The following FBXL7 variants were observed in gnomAD, a reference collection of about 807,000 sequenced individuals.
FBXL7 encodes F-box and leucine rich repeat protein 7.
FBXL7 carries 12 observed loss-of-function variants against 38.3 expected under a neutral mutation model. That is an observed-to-expected ratio of 0.31 (90% CI 0.20 to 0.51). The LOEUF (loss-of-function observed/expected upper bound fraction) is 0.51, where lower values mean the gene tolerates loss of function less well. Ranked by LOEUF, FBXL7 falls within the 20% of genes least tolerant of loss-of-function variation. FBXL7 has a pLI of 0.98. For missense variants in FBXL7, 567 were observed against 676.4 expected, an observed-to-expected ratio of 0.84 and a Z score of 1.79; for synonymous variants, 297 against 300.9, an observed-to-expected ratio of 0.99 and a Z score of 0.13.
At chr5:15,602,937 G>A (rs537129933) in intron 1 of FBXL7, among the ~76,000 whole-genome samples, 4 of 152,198 alleles carry the variant, frequency 2.6e-5, no homozygotes, top group Admixed American at 6.5e-5. Flanking sequence ...GGGCTCAGGG[G>A]ATCCTCTGGC....
intron 2 of FBXL7, among the ~76,000 whole-genome samples, chr5:15,822,587 A>G (rs1316656797): frequency 2.0e-5 from 3 of 146,714 alleles, no homozygotes; most frequent in South Asian, 2.2e-4. Context: ...TCATTTGTCT[A>G]TTCCTAAACC....
chr5:15,934,304 C>T (rs1046339084), intron 3 of FBXL7, among the ~76,000 whole-genome samples: 4 of 152,118 alleles, frequency 2.6e-5, no homozygotes, highest in Admixed American at 6.6e-5. Context: ...CACACCCAGT[C>T]GGTTTTTGCC....
intron 2 of FBXL7, among the ~76,000 whole-genome samples, chr5:15,691,825 A>G (rs1452191861): frequency 6.6e-6 from 1 of 152,174 alleles, no homozygotes; most frequent in Non-Finnish European, 1.5e-5. Context: ...GTCGACTGAG[A>G]AAAGGGAAGT....
intron 2 of FBXL7, among the ~76,000 whole-genome samples, chr5:15,855,723 A>G (rs894607010): frequency 6.6e-6 from 1 of 152,144 alleles, no homozygotes; most frequent in African/African-American, 2.4e-5. Flanking sequence ...ACCAACATTT[A>G]TGGAACATTT....
chr5:15,862,473 G>T (rs1739518345), intron 2 of FBXL7, among the ~76,000 whole-genome samples: 2 of 151,958 alleles, frequency 1.3e-5, no homozygotes, highest in Non-Finnish European at 2.9e-5. Flanking sequence ...CAAAAACCGG[G>T]CATTTTATGT....
intron 2 of FBXL7, among the ~76,000 whole-genome samples, chr5:15,654,034 C>T (rs1369050694): frequency 6.6e-6 from 1 of 152,172 alleles, no homozygotes; most frequent in Non-Finnish European, 1.5e-5. Flanking sequence ...CCTGTCAACA[C>T]ATGGAAATAA....
intron 1 of FBXL7, among the ~76,000 whole-genome samples, chr5:15,604,184 G>A (rs1739915285): frequency 6.6e-6 from 1 of 151,966 alleles, no homozygotes; most frequent in African/African-American, 2.4e-5. Flanking sequence ...ATAAAAGGGA[G>A]GACTGTGTGA....
At chr5:15,528,783 C>T (rs906685847) in intron 1 of FBXL7, among the ~76,000 whole-genome samples, 4 of 151,886 alleles carry the variant, frequency 2.6e-5, no homozygotes, top group African/African-American at 7.3e-5. Context: ...GTCTGAAGGC[C>T]GGTTTTTTTA....
At chr5:15,681,440 G>A (rs1344527256) in intron 2 of FBXL7, among the ~76,000 whole-genome samples, 1 of 152,178 alleles carries the variant, frequency 6.6e-6, no homozygotes, top group Non-Finnish European at 1.5e-5. Context: ...ATTGAAAAGT[G>A]TATAAAGGGC....
chr5:15,544,128 T>C (rs1215707538), intron 1 of FBXL7, among the ~76,000 whole-genome samples: 1 of 152,178 alleles, frequency 6.6e-6, no homozygotes, highest in African/African-American at 2.4e-5. Flanking sequence ...ACATTGCCGA[T>C]GGGGTAGCCC....
At chr5:15,805,593 A>C (rs2126746457) in intron 2 of FBXL7, among the ~76,000 whole-genome samples, 1 of 152,280 alleles carries the variant, frequency 6.6e-6, no homozygotes, top group Non-Finnish European at 1.5e-5. Context: ...CTATTTTAGA[A>C]GTCTATAAAA....
intron 2 of FBXL7, among the ~76,000 whole-genome samples, chr5:15,715,119 A>G (rs540302511): frequency 6.6e-6 from 1 of 152,270 alleles, no homozygotes; most frequent in Non-Finnish European, 1.5e-5. Context: ...TAAGTTATGT[A>G]ATTTGTGGCA....
chr5:15,557,902 G>A (rs188934936), intron 1 of FBXL7, among the ~76,000 whole-genome samples: 9 of 152,256 alleles, frequency 5.9e-5, no homozygotes, highest in Admixed American at 5.2e-4. Context: ...AAATCTTAAT[G>A]TGACACAAAT....
chr5:15,543,518 A>G (rs1478829483), intron 1 of FBXL7, among the ~76,000 whole-genome samples: 1 of 152,228 alleles, frequency 6.6e-6, no homozygotes, highest in Non-Finnish European at 1.5e-5. Flanking sequence ...GTTGATACAC[A>G]GCAGGCTTCA....
intron 2 of FBXL7, among the ~76,000 whole-genome samples, chr5:15,716,730 A>G (rs1353298214): frequency 6.6e-6 from 1 of 152,220 alleles, no homozygotes; most frequent in Non-Finnish European, 1.5e-5. Flanking sequence ...AATTCATAAT[A>G]TTTAAGCACA....
At chr5:15,914,870 A>C (rs1682930747) in intron 2 of FBXL7, among the ~76,000 whole-genome samples, 1 of 152,210 alleles carries the variant, frequency 6.6e-6, no homozygotes. Flanking sequence ...CTGGCCTCGA[A>C]GTGCTCACAG....
At chr5:15,808,466 C>A (rs937923706) in intron 2 of FBXL7, among the ~76,000 whole-genome samples, 4 of 152,086 alleles carry the variant, frequency 2.6e-5, no homozygotes, top group African/African-American at 9.7e-5. Context: ...CTGGACTTAC[C>A]CCGTTCTCAT....
chr5:15,615,778 C>T (rs1367494166), intron 1 of FBXL7, among the ~76,000 whole-genome samples: 1 of 152,076 alleles, frequency 6.6e-6, no homozygotes, highest in Non-Finnish European at 1.5e-5. Context: ...TATAAGAAGA[C>T]TTTAGTTCTC....
At chr5:15,752,017 C>A (rs1736166972) in intron 2 of FBXL7, among the ~76,000 whole-genome samples, 1 of 152,168 alleles carries the variant, frequency 6.6e-6, no homozygotes, top group Non-Finnish European at 1.5e-5. Flanking sequence ...AGTTTCATGG[C>A]TCCTTTTGCA....
Sources: gnomAD v4.1 joint callset for allele counts (sites outside exome capture counted in the v4.1 genomes callset) on GRCh38, gnomAD v4.1.1 for gene constraint, MANE v1.5 for transcripts, NCBI Gene and HGNC (gene_info 2026-07-23, HGNC 2026-07-21) for gene names.